Variants in FNDC3B observed in about 807,000 individuals in gnomAD.
FNDC3B encodes the protein fibronectin type III domain containing 3B, also known as fibronectin type III domain-containing protein 3B.
In FNDC3B, 12 loss-of-function variants were observed where a neutral mutation model predicts 151.5. The ratio of observed to expected loss-of-function variants is 0.08; its 90% CI spans 0.05 to 0.13. The LOEUF (loss-of-function observed/expected upper bound fraction) is 0.13, where lower values mean the gene tolerates loss of function less well. Ranked by LOEUF, FNDC3B falls within the 10% of genes least tolerant of loss-of-function variation. The pLI is 1.00. For missense variants in FNDC3B, 1,214 were observed against 1,505.3 expected (o/e 0.81, Z 3.20); for synonymous variants, 528 against 549.0 (o/e 0.96, Z 0.54).
At chr3:172,343,803 A>AT (rs1285558985) in intron 18 of FNDC3B, among the ~76,000 whole-genome samples, 1 of 152,240 alleles carries the variant, frequency 6.6e-6, no homozygotes, top group African/African-American at 2.4e-5. Context: ...TTTACCTAGC[A>AT]TTAGAATATG....
intron 3 of FNDC3B, among the ~76,000 whole-genome samples, chr3:172,203,610 G>A (rs1033673644): frequency 4.6e-5 from 7 of 152,078 alleles, no homozygotes; most frequent in Admixed American, 2.0e-4. Context: ...TTATCTTTTC[G>A]CTGATTTTCT....
At chr3:172,215,350 GT>G (rs1347970454) in intron 3 of FNDC3B, among the ~76,000 whole-genome samples, 2 of 152,196 alleles carry the variant, frequency 1.3e-5, no homozygotes, top group East Asian at 3.8e-4. Flanking sequence ...AGTAGACAAG[GT>G]TTTATTCATC....
At chr3:172,386,871 G>C (rs183163740) in intron 25 of FNDC3B, among the ~76,000 whole-genome samples, 42 of 151,204 alleles carry the variant, frequency 2.8e-4, no homozygotes, top group African/African-American at 1.0e-3. Context: ...TTAGAATATA[G>C]TATCAAGGCA....
At chr3:172,307,332 C>T (rs765826816) in intron 9 of FNDC3B, 31 bp from the exon 10 acceptor site, 3 of 1,610,614 alleles carry the variant, frequency 1.9e-6, no homozygotes, top group Non-Finnish European at 2.5e-6. Flanking sequence ...TGATGAGTCA[C>T]TGCCACTGAC....
Position 172,189,799 on chromosome 3 carries a change from TAAAAAAAAAAAAAAAAAA to T in FNDC3B, c.188-37056_188-37039del, listed in dbSNP as rs60894339. On this transcript the variant is annotated intron_variant, in intron 3 of 25. Coordinates refer to ENST00000415807, the MANE Select transcript of FNDC3B (RefSeq NM_022763.4). ...CTGGGTGACAGAGTGAGACCTTGTC[TAAAAAAAAAAAAAAAAAA>T]AAAAAAAAAAAAAAATCATGTCATT... 1.2e-3 allele frequency among the ~76,000 whole-genome samples: 98 copies of T among 84,320 alleles called. 1 individual carries two copies. Among genetic ancestry groups the T allele is most frequent in the East Asian group, 2.6e-3 (6 of 2,328 alleles). 55.3% of individuals were successfully genotyped at this position (84,320 alleles called of 152,430 possible).
intron 2 of FNDC3B, among the ~76,000 whole-genome samples, chr3:172,121,837 G>A (rs1479166211): frequency 1.3e-5 from 2 of 152,150 alleles, no homozygotes; most frequent in East Asian, 3.8e-4. Flanking sequence ...AAAGTGCTGG[G>A]ATTACAGGTG....
intron 1 of FNDC3B, among the ~76,000 whole-genome samples, chr3:172,093,310 G>C (rs1229692188): frequency 4.0e-5 from 6 of 150,682 alleles, no homozygotes; most frequent in African/African-American, 1.5e-4. Context: ...CCAGGCTGGA[G>C]TGCAGTGGCA....
intron 3 of FNDC3B, among the ~76,000 whole-genome samples, chr3:172,152,578 C>CTTTTTT (rs10662326): frequency 1.8e-4 from 23 of 125,804 alleles, no homozygotes; most frequent in Non-Finnish European, 2.6e-4. Flanking sequence ...ATGGGAAGGG[C>CTTTTTT]TTTTTTTTTT....
intron 25 of FNDC3B, among the ~76,000 whole-genome samples, chr3:172,395,882 C>A (rs1736251338): frequency 6.6e-6 from 1 of 152,100 alleles, no homozygotes; most frequent in African/African-American, 2.4e-5. Flanking sequence ...CCATTCGCAC[C>A]CTCTAGGATA....
chr3:172,099,004 A>G (rs928769713), intron 1 of FNDC3B, among the ~76,000 whole-genome samples: 15 of 152,246 alleles, frequency 9.9e-5, no homozygotes, highest in Admixed American at 9.8e-4. Context: ...CATTCCACTC[A>G]GGGTCAGGCT....
At chr3:172,074,901 T>C (rs761681208) in intron 1 of FNDC3B, among the ~76,000 whole-genome samples, 6 of 152,250 alleles carry the variant, frequency 3.9e-5, no homozygotes, top group Admixed American at 6.5e-5. Flanking sequence ...AACAAAACTT[T>C]CTTGCCTTGC....
chr3:172,209,681 G>C (rs1457090744), intron 3 of FNDC3B, among the ~76,000 whole-genome samples: 1 of 152,020 alleles, frequency 6.6e-6, no homozygotes, highest in Non-Finnish European at 1.5e-5. Flanking sequence ...TGGCAGCCTC[G>C]ACCATAGGCT....
At chr3:172,388,036 T>C (rs539042298) in intron 25 of FNDC3B, among the ~76,000 whole-genome samples, 1 of 152,278 alleles carries the variant, frequency 6.6e-6, no homozygotes, top group Admixed American at 6.5e-5. Context: ...CCTAGTTGAG[T>C]CTTGGCTTTC....
At chr3:172,244,489 T>C (rs1160984935) in intron 4 of FNDC3B, among the ~76,000 whole-genome samples, 2 of 152,158 alleles carry the variant, frequency 1.3e-5, no homozygotes, top group African/African-American at 4.8e-5. Flanking sequence ...GACTTAGGCA[T>C]AATTTCCTTA....
intron 2 of FNDC3B, among the ~76,000 whole-genome samples, chr3:172,126,270 C>T (rs561404109): frequency 2.8e-4 from 43 of 152,006 alleles, no homozygotes; most frequent in African/African-American, 9.9e-4. Flanking sequence ...GGAGGAGGGG[C>T]GGGGCTGGCT....
intron 3 of FNDC3B, among the ~76,000 whole-genome samples, chr3:172,221,177 A>T (rs1260595608): frequency 2.0e-5 from 3 of 151,800 alleles, no homozygotes; most frequent in Non-Finnish European, 4.4e-5. Flanking sequence ...AGCTCTAGTA[A>T]TTTTTTTTGT....
chr3:172,146,615 G>T (rs1721922372), intron 3 of FNDC3B, among the ~76,000 whole-genome samples: 1 of 152,194 alleles, frequency 6.6e-6, no homozygotes, highest in African/African-American at 2.4e-5. Context: ...TTCTTGCACT[G>T]TGCTTTCCCA....
At chr3:172,227,256 A>C in intron 4 of FNDC3B, 1 of 219,854 alleles carries the variant, frequency 4.5e-6, no homozygotes, top group Non-Finnish European at 9.0e-6. Flanking sequence ...CACCTGTAAT[A>C]CAACTTTCTG....
At chr3:172,330,519 G>A (rs183569344) in intron 12 of FNDC3B, 22 bp from the exon 13 acceptor site, 23 of 1,597,334 alleles carry the variant, frequency 1.4e-5, no homozygotes, top group Non-Finnish European at 1.9e-5. Context: ...CTAACTGTGT[G>A]CCTCACTTTC....
Sources: gnomAD v4.1 joint callset for allele counts (sites outside exome capture counted in the v4.1 genomes callset) on GRCh38, gnomAD v4.1.1 for gene constraint, MANE v1.5 for transcripts, NCBI Gene and HGNC (gene_info 2026-07-23, HGNC 2026-07-21) for gene names.